HPS1: variants seen among roughly 807,000 people sequenced by gnomAD.
The protein encoded by HPS1 is BLOC-3 complex member HPS1.
In HPS1, 59 loss-of-function variants were observed where a neutral mutation model predicts 90.6. The observed-to-expected ratio is 0.65, with a 90% confidence interval of 0.53 to 0.81. The LOEUF is 0.81. Among genes scored for constraint, HPS1 ranks in the 30% least tolerant of loss-of-function variants. The pLI is 0.00. For synonymous variants in HPS1, 388 were observed against 384.4 expected (o/e 1.01, Z -0.11); for missense variants, 849 against 896.7 (o/e 0.95, Z 0.68).
At chr10:98,434,169 C>T in intron 5 of HPS1, 78 bp from the exon 6 acceptor site, 2 of 1,424,456 alleles carry the variant, frequency 1.4e-6, no homozygotes, top group East Asian at 2.5e-5. Flanking sequence ...GGACCACAGT[C>T]TCAGCTCAGC....
rs756071476 is a variant in HPS1, at chr10:98,430,575, A to G, written c.764T>C (p.Ile255Thr). The change falls in exon 8 of 20, where the codon ATT becomes ACT. Residue 255 changes from isoleucine to threonine, a missense_variant. Physicochemically the swap from Ile to Thr is moderately conservative, Grantham distance 89. Coordinates refer to ENST00000361490, the MANE Select transcript of HPS1 (RefSeq NM_000195.5). ...YPSESTAEDDIQPSPRRARSS... is the reference protein window; with the variant it reads ...YPSESTAEDDTQPSPRRARSS... ...CCCAGAAAGCTGCCCTGAGACCTGAATGTCGTCCTCTGCTGTGCTCTCGCT... is the reference window on the plus strand; with the variant it reads ...CCCAGAAAGCTGCCCTGAGACCTGAGTGTCGTCCTCTGCTGTGCTCTCGCT... 6.4e-7 allele frequency: 1 copy of G among 1,552,462 alleles called. No homozygotes were observed. The highest frequency in any genetic ancestry group is 1.2e-5 in the South Asian group (1 of 84,096).
Position 98,429,897 on chromosome 10 carries a change from G to A in HPS1, c.769-8C>T, listed in dbSNP as rs756164446. 6.2e-7 allele frequency: 1 copy of A among 1,608,280 alleles called. No homozygotes were observed. The highest frequency in any genetic ancestry group is 1.1e-5 in the South Asian group (1 of 91,040). ...GGCCCTCCGCGGGGAAGGCTGTGCAGGGCAGGGGAGAGGCTGGTTAGCTCC... is the reference window on the plus strand; with the variant it reads ...GGCCCTCCGCGGGGAAGGCTGTGCAAGGCAGGGGAGAGGCTGGTTAGCTCC... On this transcript the variant is annotated splice_region_variant and splice_polypyrimidine_tract_variant and intron_variant, in intron 8 of 19. Coordinates refer to ENST00000361490, the MANE Select transcript of HPS1 (RefSeq NM_000195.5).
intron 3 of HPS1, among the ~76,000 whole-genome samples, chr10:98,439,585 T>C (rs1420118580): frequency 6.6e-6 from 1 of 152,184 alleles, no homozygotes; most frequent in African/African-American, 2.4e-5. Flanking sequence ...TATACCCCCA[T>C]TGTGTCTTGG....
In HPS1 at chr10:98,429,792, G is replaced by A. The variant is rs200119414; in HGVS notation, c.866C>T (p.Thr289Met). ...CTCCACGAAGTGCACAGCACACACC[G>A]TCTCTGCAGAGCTCCCCCCAGTTGG... ...TGPTGGSSAETETDSFSLPEE... is the reference protein window; with the variant it reads ...TGPTGGSSAEMETDSFSLPEE... Residue 289 changes from threonine to methionine, a missense_variant and splice_region_variant, in exon 9 of 20, where the codon ACG (threonine) becomes ATG (methionine). Physicochemically the swap from Thr to Met is moderately conservative, Grantham distance 81. Transcript: ENST00000361490. The A allele has an allele frequency of 3.0e-5, 48 of 1,613,766 alleles. No individual in the cohort carries two copies. The highest frequency in any genetic ancestry group is 4.4e-5 in the South Asian group (4 of 91,082).
intron 3 of HPS1, chr10:98,442,872 G>T (rs537720349): frequency 1.9e-6 from 1 of 513,854 alleles, no homozygotes; most frequent in Non-Finnish European, 3.5e-6. Flanking sequence ...GATAAAATTC[G>T]ACTTCTTCTT....
Position 98,435,600 on chromosome 10 carries a change from G to A in HPS1, c.255+35C>T. On this transcript the variant is annotated intron_variant, in intron 4 of 19. Transcript: ENST00000361490. This position sits in a 1 kb window ranked among gnomAD's most constrained non-coding sequence, Gnocchi z 4.3. ...CTGTGGACTCCCCATCAAGCTGAGG[G>A]AAGAGGAACATGGGCCCCAGAGCTA... is the stretch of plus-strand genomic sequence containing the variant. 2 of 1,613,848 alleles carry A rather than the reference G, an allele frequency of 1.2e-6. No homozygotes were observed. The highest frequency in any genetic ancestry group is 1.7e-6 in the Non-Finnish European group (2 of 1,179,820).
At chr10:98,414,738 T>G (rs1302699854), downstream of HPS1, 1 of 424,284 alleles carries the variant, frequency 2.4e-6, no homozygotes, top group Non-Finnish European at 4.2e-6. Flanking sequence ...TCACCTAGTC[T>G]TCCTGTCATT....
At position 98,417,666 on chromosome 10, in the gene HPS1, C is replaced by G. The variant is rs1005802357; in HGVS notation, c.2001G>C (p.Leu667=). 2.2e-5 allele frequency: 35 copies of G among 1,613,686 alleles called. No individual in the cohort carries two copies. Among genetic ancestry groups the G allele is most frequent in the East Asian group, 4.5e-5 (2 of 44,880 alleles). ...GGATGACAGACAGGTGCAGGGCCAG[C>G]AGCTCGTAGCACCTGACAGCCTCGG... The part of the protein sequence containing the change: ...RPTEAVRCYE[L]LALHLSVIPT... The change falls in exon 20 of 20, where the codon CTG becomes CTC. Residue 667 remains leucine, a synonymous_variant. Transcript: ENST00000361490. This position sits in a 1 kb window ranked among gnomAD's most constrained non-coding sequence, Gnocchi z 4.2.
At chr10:98,420,598 C>A (rs1844722768) in intron 17 of HPS1, among the ~76,000 whole-genome samples, 1 of 152,144 alleles carries the variant, frequency 6.6e-6, no homozygotes, top group Non-Finnish European at 1.5e-5. Context: ...CACCTGTAGT[C>A]CCAGCTATTT....
chr10:98,430,614 T>C lies in HPS1; in HGVS notation c.725A>G (p.Gln242Arg), dbSNP rs1365772929. The change falls in exon 8 of 20, where the codon CAG (glutamine) becomes CGG (arginine). Residue 242 changes from glutamine to arginine, a missense_variant. Physicochemically the swap from Gln to Arg is conservative, Grantham distance 43 (BLOSUM62 1). Transcript: ENST00000361490. ...ADLLALILLV[Q>R]DLYPSESTAE... ...TGTGCTCTCGCTGGGGTAGAGGTCCTGAACCAGGAGGATGAGGGCAAGCAG... is the reference window on the plus strand; with the variant it reads ...TGTGCTCTCGCTGGGGTAGAGGTCCCGAACCAGGAGGATGAGGGCAAGCAG... 1.3e-6 allele frequency: 2 copies of C among 1,556,382 alleles called. No individual in the cohort carries two copies. Among genetic ancestry groups the C allele is most frequent in the Middle Eastern group, 1.7e-4 (1 of 5,992 alleles).
At chr10:98,419,425 G>A (rs1844556562) in intron 18 of HPS1, among the ~76,000 whole-genome samples, 1 of 152,008 alleles carries the variant, frequency 6.6e-6, no homozygotes, top group Non-Finnish European at 1.5e-5. Flanking sequence ...GAGGAGAGGA[G>A]TCCCAGCCAC....
chr10:98,443,535 T>C (rs1477325497), intron 2 of HPS1, among the ~76,000 whole-genome samples: 1 of 152,134 alleles, frequency 6.6e-6, no homozygotes, highest in African/African-American at 2.4e-5. Context: ...TGGTATCTGG[T>C]CCCTCTCAGC....
chr10:98,420,455 T>C, intron 17 of HPS1: 1 of 372,926 alleles, frequency 2.7e-6, no homozygotes, highest in Non-Finnish European at 5.2e-6. Flanking sequence ...GGCTTACGCC[T>C]GTAATCCTAG....
chr10:98,437,557 GCCTGCAGTAT>G (rs1413125913), intron 3 of HPS1, among the ~76,000 whole-genome samples: 1 of 152,164 alleles, frequency 6.6e-6, no homozygotes, highest in Non-Finnish European at 1.5e-5. Flanking sequence ...TGTTACAACT[GCCTGCAGTAT>G]TCAGTACAGT....
chr10:98,416,405 A>G lies in HPS1; in HGVS notation c.*1159T>C, dbSNP rs1469206952. The stretch of plus-strand genomic sequence containing the variant: ...GTATTTTCCACAATCCACGCTTTTC[A>G]TTGCCATTCCATCAGATGATGTTAA... On this transcript the variant is annotated 3_prime_UTR_variant, in exon 20 of 20. Coordinates refer to ENST00000361490, the MANE Select transcript of HPS1 (RefSeq NM_000195.5). 6.6e-6 allele frequency: 1 copy of G among 152,262 alleles called. No homozygotes were observed. Among genetic ancestry groups the G allele is most frequent in the Non-Finnish European group, 1.5e-5 (1 of 68,030 alleles). 9.4% of individuals were successfully genotyped at this position (152,262 alleles called of 1,614,324 possible). A position where few individuals can be genotyped will look rare whatever the true frequency, so the allele number is the denominator to read the frequency against.
rs776336075 is a variant in HPS1, at chr10:98,423,634, C to A, written c.1567G>T (p.Val523Leu). The A allele has an allele frequency of 6.2e-7, 1 of 1,613,898 alleles. No homozygotes were observed. The highest frequency in any genetic ancestry group is 8.5e-7 in the Non-Finnish European group (1 of 1,179,952). Residue 523 changes from valine (V) to leucine (L), a missense_variant, in exon 16 of 20, where the codon GTG becomes TTG. By Grantham distance (32) the Val-to-Leu change is conservative. Transcript: ENST00000361490. ...KLTDWKDFLL[V>L]KSRRNITMVS... Reference sequence around the variant, plus strand: ...ATGGTGATGTTCCTCCTGCTCTTCACCAGCAAGAAGTCCTTCCAGTCCGTC... The same window carrying A: ...ATGGTGATGTTCCTCCTGCTCTTCAACAGCAAGAAGTCCTTCCAGTCCGTC...
In HPS1 at chr10:98,417,630, C is replaced by T. The variant is rs773611107; in HGVS notation, c.2037G>A (p.Leu679=). 22 of 1,613,502 alleles carry T rather than the reference C, an allele frequency of 1.4e-5. No individual in the cohort carries two copies. The South Asian group carries it at 1.6e-4, about 12-fold the overall frequency. ...ALHLSVIPTD[L]LVQQAGQLAR... ...CCAGCTGGCCGGCCTGCTGCACCAG[C>T]AGGTCAGTGGGGATGACAGACAGGT... is the stretch of plus-strand genomic sequence containing the variant. The change falls in exon 20 of 20, where the codon CTG becomes CTA. Residue 679 remains leucine, a synonymous_variant. Coordinates refer to ENST00000361490, the MANE Select transcript of HPS1 (RefSeq NM_000195.5). The surrounding 1 kb of genome is among the most constrained non-coding windows in gnomAD (Gnocchi z 4.2).
intron 11 of HPS1, 74 bp from the exon 12 acceptor site, chr10:98,426,059 A>C: frequency 7.7e-7 from 1 of 1,290,682 alleles, no homozygotes; most frequent in Non-Finnish European, 1.1e-6. Flanking sequence ...CCTATCTGTG[A>C]ACCACAAGAA....
At chr10:98,430,421 A>G (rs1167097671) in intron 8 of HPS1, 150 bp downstream of exon 8, 7 of 701,048 alleles carry the variant, frequency 1.0e-5, no homozygotes, top group Non-Finnish European at 1.8e-5. Context: ...ATCTGAAAGC[A>G]GTGGGAAAGA....
Sources: allele counts gnomAD v4.1 joint callset (sites outside exome capture counted in the v4.1 genomes callset), GRCh38; gene constraint gnomAD v4.1.1; non-coding constraint Gnocchi (gnomAD v3.1); transcripts MANE v1.5; gene names NCBI Gene and HGNC (gene_info 2026-07-23, HGNC 2026-07-21).